Variants in RERE observed in about 807,000 individuals in gnomAD.
RERE encodes the protein arginine-glutamic acid dipeptide repeats.
RERE carries 40 observed loss-of-function variants against 146.1 expected under a neutral mutation model. That is an observed-to-expected ratio of 0.27 (90% CI 0.21 to 0.36). The LOEUF is 0.36. Among genes scored for constraint, RERE ranks in the 10% least tolerant of loss-of-function variants. RERE has a pLI of 1.00. For missense variants in RERE, 1,933 were observed against 2,138.7 expected, an observed-to-expected ratio of 0.90 and a Z score of 1.90; for synonymous variants, 1,003 against 866.0, an observed-to-expected ratio of 1.16 and a Z score of -2.78.
chr1:8,701,551 A>C (rs1291197561), intron 1 of RERE, among the ~76,000 whole-genome samples: 1 of 152,198 alleles, frequency 6.6e-6, no homozygotes, highest in Non-Finnish European at 1.5e-5. Flanking sequence ...TTAAGTCTTT[A>C]AATATGTTAT....
intron 22 of RERE, 88 bp downstream of exon 22, chr1:8,355,331 G>A (rs769150308): frequency 1.6e-5 from 23 of 1,424,826 alleles, no homozygotes; most frequent in Admixed American, 5.4e-5. Flanking sequence ...AGCAGGCAGA[G>A]GGGGAGGAGC....
intron 7 of RERE, among the ~76,000 whole-genome samples, chr1:8,520,549 CT>C (rs1645478313): frequency 6.6e-6 from 1 of 152,044 alleles, no homozygotes; most frequent in African/African-American, 2.4e-5. Flanking sequence ...GCTATAGTGA[CT>C]TTGCTCCGTT....
intron 1 of RERE, among the ~76,000 whole-genome samples, chr1:8,724,267 CA>C (rs142166141): frequency 0.043 from 6,529 of 152,096 alleles, 462 homozygotes; most frequent in African/African-American, 0.15. Context: ...GTTTCTGGCT[CA>C]GGGGTTGGCA....
chr1:8,778,336 T>G (rs1320609635), intron 1 of RERE, among the ~76,000 whole-genome samples: 2 of 152,210 alleles, frequency 1.3e-5, no homozygotes, highest in Non-Finnish European at 2.9e-5. Flanking sequence ...ACAAGATCTA[T>G]TTATATATTT....
intron 6 of RERE, among the ~76,000 whole-genome samples, chr1:8,543,283 A>G (rs987091440): frequency 1.3e-5 from 2 of 152,216 alleles, no homozygotes; most frequent in African/African-American, 4.8e-5. Context: ...CAAATGAACA[A>G]CTAGCTCACT....
chr1:8,814,389 G>A (rs992737243), intron 1 of RERE, among the ~76,000 whole-genome samples: 1 of 152,186 alleles, frequency 6.6e-6, no homozygotes, highest in Non-Finnish European at 1.5e-5. Context: ...TAGTTTACAA[G>A]CCTTTGGGCA....
intron 1 of RERE, among the ~76,000 whole-genome samples, chr1:8,775,299 C>A (rs1170885963): frequency 6.6e-6 from 1 of 152,160 alleles, no homozygotes; most frequent in South Asian, 2.1e-4. Flanking sequence ...GGGCCGGGAA[C>A]AGTGGCTCAC....
intron 1 of RERE, among the ~76,000 whole-genome samples, chr1:8,788,666 G>GTTTT (rs34684190): frequency 6.9e-6 from 1 of 144,662 alleles, no homozygotes. Flanking sequence ...CCCAGCCAGT[G>GTTTT]TTTTTTTTTT....
intron 1 of RERE, among the ~76,000 whole-genome samples, chr1:8,700,033 G>A (rs1030913745): frequency 6.6e-5 from 10 of 152,254 alleles, no homozygotes; most frequent in African/African-American, 1.2e-4. Flanking sequence ...TAGCCCAGGC[G>A]CAGTGGCTCA....
At chr1:8,777,001 T>C (rs1641076938) in intron 1 of RERE, among the ~76,000 whole-genome samples, 1 of 152,136 alleles carries the variant, frequency 6.6e-6, no homozygotes, top group East Asian at 1.9e-4. Flanking sequence ...AGTGCCAAAA[T>C]GCAAGGATTA....
chr1:8,422,332 C>G (rs535486101), intron 12 of RERE, among the ~76,000 whole-genome samples: 1 of 152,276 alleles, frequency 6.6e-6, no homozygotes, highest in East Asian at 1.9e-4. Flanking sequence ...AGCCACAAAC[C>G]TCTGGTTTGG....
chr1:8,667,381 A>G (rs539314073), intron 1 of RERE, among the ~76,000 whole-genome samples: 1 of 152,350 alleles, frequency 6.6e-6, no homozygotes, highest in African/African-American at 2.4e-5. Context: ...TCTTTAAAAA[A>G]CACACAAACT....
intron 4 of RERE, among the ~76,000 whole-genome samples, chr1:8,592,556 G>A (rs1646508600): frequency 6.6e-6 from 1 of 151,914 alleles, no homozygotes; most frequent in South Asian, 2.1e-4. Flanking sequence ...ACAGGCATGA[G>A]CCACTGCATC....
At chr1:8,545,027 G>C (rs1440440135) in intron 6 of RERE, among the ~76,000 whole-genome samples, 3 of 152,182 alleles carry the variant, frequency 2.0e-5, no homozygotes, top group Non-Finnish European at 4.4e-5. Flanking sequence ...TAAGTATTCA[G>C]TGTTTTTTAT....
chr1:8,365,199 G>A (rs901994357), intron 13 of RERE, among the ~76,000 whole-genome samples: 2 of 152,144 alleles, frequency 1.3e-5, no homozygotes, highest in African/African-American at 2.4e-5. Context: ...TTCACCGAGC[G>A]CCCCCAACCC....
chr1:8,451,558 C>T (rs1312288458), intron 11 of RERE, among the ~76,000 whole-genome samples: 1 of 152,188 alleles, frequency 6.6e-6, no homozygotes. Flanking sequence ...GAAACTTGTA[C>T]CCCAGATGAA....
At chr1:8,500,804 G>A (rs1202672928) in intron 8 of RERE, among the ~76,000 whole-genome samples, 3 of 151,586 alleles carry the variant, frequency 2.0e-5, no homozygotes, top group African/African-American at 7.3e-5. Flanking sequence ...GAGATGTGGG[G>A]AGCGCCTCTG....
chr1:8,653,132 G>A (rs1404265292), intron 2 of RERE, among the ~76,000 whole-genome samples: 2 of 152,154 alleles, frequency 1.3e-5, no homozygotes, highest in South Asian at 2.1e-4. Flanking sequence ...TAACTGTCGG[G>A]CTTCTTGGAG....
At chr1:8,736,364 G>T (rs1255159195) in intron 1 of RERE, among the ~76,000 whole-genome samples, 2 of 151,990 alleles carry the variant, frequency 1.3e-5, no homozygotes, top group Non-Finnish European at 2.9e-5. Flanking sequence ...CCGCCACCAC[G>T]CCTGGCTAAT....
Sources: gnomAD v4.1 joint callset for allele counts (sites outside exome capture counted in the v4.1 genomes callset) on GRCh38, gnomAD v4.1.1 for gene constraint, MANE v1.5 for transcripts, NCBI Gene and HGNC (gene_info 2026-07-23, HGNC 2026-07-21) for gene names.